Variants in CEACAM5 observed in about 807,000 individuals in gnomAD.
CEACAM5 encodes CEA cell adhesion molecule 5.
CEACAM5 carries 52 observed loss-of-function variants against 63.0 expected under a neutral mutation model. The ratio of observed to expected loss-of-function variants is 0.83; its 90% CI spans 0.66 to 1.04. The LOEUF (loss-of-function observed/expected upper bound fraction) is 1.04, where lower values mean the gene tolerates loss of function less well. Among genes scored for constraint, CEACAM5 ranks in the 50% least tolerant of loss-of-function variants. CEACAM5 has a pLI of 0.00. For synonymous variants in CEACAM5, 357 were observed against 351.3 expected (o/e 1.02, Z -0.18); for missense variants, 790 against 864.8 (o/e 0.91, Z 1.08).
At chr19:41,716,469 G>A (rs189140069) in intron 4 of CEACAM5, among the ~76,000 whole-genome samples, 23 of 152,310 alleles carry the variant, frequency 1.5e-4, no homozygotes, top group African/African-American at 4.3e-4. Context: ...GGTCTGTCCT[G>A]AATTCGGCTA....
chr19:41,724,059 T>G (rs782180419), intron 8 of CEACAM5, among the ~76,000 whole-genome samples: 8 of 152,328 alleles, frequency 5.3e-5, no homozygotes, highest in Admixed American at 2.6e-4. Flanking sequence ...TAAATGTCAT[T>G]AAGCTTTTTT....
chr19:41,722,410 C>T (rs1375003266), intron 8 of CEACAM5, among the ~76,000 whole-genome samples: 1 of 151,302 alleles, frequency 6.6e-6, no homozygotes, highest in Non-Finnish European at 1.5e-5. Context: ...TTTTTATACT[C>T]ATGTCTAACC....
At chr19:41,718,984 C>A (rs2072573754) in intron 6 of CEACAM5, among the ~76,000 whole-genome samples, 1 of 152,220 alleles carries the variant, frequency 6.6e-6, no homozygotes. Context: ...CAGATGAAGC[C>A]AAGCCTTCCC....
In CEACAM5 at chr19:41,721,030, G is replaced by A. The variant is rs74946020; in HGVS notation, c.1880G>A (p.Trp627Ter). 74 of 1,614,024 alleles carry A rather than the reference G, an allele frequency of 4.6e-5. No individual in the cohort carries two copies. Among genetic ancestry groups the A allele is most frequent in the Non-Finnish European group, 6.2e-5 (73 of 1,180,028 alleles). ...TCTAACCCATCCCCGCAGTATTCTT[G>A]GCGTATCAATGGGATACCGCAGCAA... ...SASNPSPQYS[W>*]RINGIPQQHT... Residue 627 changes from tryptophan (W) to a stop codon, truncating the protein, a stop_gained, in exon 8 of 10, where the codon TGG (tryptophan) becomes TAG (stop). Coordinates refer to ENST00000221992, the MANE Select transcript of CEACAM5 (RefSeq NM_004363.6). LOFTEE classifies it high-confidence loss of function.
chr19:41,720,236 C>A, intron 7 of CEACAM5, 28 bp downstream of exon 7: 1 of 1,604,972 alleles, frequency 6.2e-7, no homozygotes, highest in Non-Finnish European at 8.5e-7. Context: ...CTCTGTGGCC[C>A]TGGTTTCCAA....
chr19:41,724,847 T>C (rs1345929767), intron 8 of CEACAM5, among the ~76,000 whole-genome samples: 1 of 152,268 alleles, frequency 6.6e-6, no homozygotes, highest in African/African-American at 2.4e-5. Flanking sequence ...ATTTATTTAT[T>C]AACTCTAACA....
At chr19:41,716,075 T>C (rs2072522950) in intron 4 of CEACAM5, among the ~76,000 whole-genome samples, 171 bp downstream of exon 4, 1 of 152,182 alleles carries the variant, frequency 6.6e-6, no homozygotes, top group South Asian at 2.1e-4. Context: ...TCTTTTCTTC[T>C]TGTTCTGATT....
In CEACAM5 at chr19:41,718,391, A is replaced by C; in HGVS notation, c.1492+9A>C. 1 of 1,613,248 alleles carries C rather than the reference A, an allele frequency of 6.2e-7. No individual in the cohort carries two copies. The highest frequency in any genetic ancestry group is 8.5e-7 in the Non-Finnish European group (1 of 1,179,304). On this transcript the variant is annotated intron_variant, in intron 6 of 9. Coordinates refer to ENST00000221992, the MANE Select transcript of CEACAM5 (RefSeq NM_004363.6). ...GACAATCACAGTCTCTGGTAAGTGG[A>C]TCCCTGGACCGTTAGCAATATGTTC...
In CEACAM5 at chr19:41,721,188, C is replaced by G. The variant is rs201439960; in HGVS notation, c.2026+12C>G. The stretch of plus-strand genomic sequence containing the variant: ...CATCACAGTCTCTGGTAAGTGGCTC[C>G]CTGGAGCATCAGCATCATATTCTGG... On this transcript the variant is annotated intron_variant, in intron 8 of 9. Transcript: ENST00000221992. 5.6e-6 allele frequency: 9 copies of G among 1,613,836 alleles called. No homozygotes were observed. The South Asian group carries it at 9.9e-5, about 18-fold the overall frequency.
At chr19:41,723,831 C>G (rs1308966034) in intron 8 of CEACAM5, among the ~76,000 whole-genome samples, 1 of 151,680 alleles carries the variant, frequency 6.6e-6, no homozygotes, top group East Asian at 1.9e-4. Context: ...CGCCTGTAGT[C>G]CCAGCTACTC....
In CEACAM5 at chr19:41,730,178, T is replaced by TGG. The variant is rs1555817962; in HGVS notation, c.*1032_*1033insGG. ...GCTCACGCCTGTAATCCCAGCACTT[T>TGG]GATCCGCCGAGGCGGGCGGATCACG... On this transcript the variant is annotated 3_prime_UTR_variant, in exon 10 of 10. Coordinates refer to ENST00000221992, the MANE Select transcript of CEACAM5 (RefSeq NM_004363.6). 2.0e-5 allele frequency among the ~76,000 whole-genome samples: 3 copies of TGG among 152,164 alleles called. No individual in the cohort carries two copies. The highest frequency in any genetic ancestry group is 3.9e-4 in the East Asian group (2 of 5,194).
At chr19:41,722,519 A>G (rs2072639181) in intron 8 of CEACAM5, among the ~76,000 whole-genome samples, 1 of 152,176 alleles carries the variant, frequency 6.6e-6, no homozygotes, top group South Asian at 2.1e-4. Context: ...AAACTCTGGT[A>G]ATCTCCATTC....
rs2072593539 is a variant in CEACAM5 at position 41,720,025 on chromosome 19, A to G, written c.1588A>G (p.Thr530Ala). The change falls in exon 7 of 10, where the codon ACA (threonine) becomes GCA (alanine). Residue 530 changes from threonine to alanine, a missense_variant. Coordinates refer to ENST00000221992, the MANE Select transcript of CEACAM5 (RefSeq NM_004363.6). ...CACCTGTGAACCTGAGGCTCAGAAC[A>G]CAACCTACCTGTGGTGGGTAAATGG... is the stretch of plus-strand genomic sequence containing the variant. Reference protein sequence around the residue: ...AFTCEPEAQNTTYLWWVNGQS... With the variant: ...AFTCEPEAQNATYLWWVNGQS... 1 of 1,614,220 alleles carries G rather than the reference A, an allele frequency of 6.2e-7. No individual in the cohort carries two copies.
At chr19:41,722,380 A>G (rs1455597100) in intron 8 of CEACAM5, among the ~76,000 whole-genome samples, 11 of 150,932 alleles carry the variant, frequency 7.3e-5, no homozygotes, top group Non-Finnish European at 1.3e-4. Flanking sequence ...AAAAAAAAAA[A>G]GGAAAAAATA....
intron 5 of CEACAM5, 87 bp from the exon 6 acceptor site, chr19:41,718,040 CA>C: frequency 6.6e-7 from 1 of 1,508,830 alleles, no homozygotes; most frequent in Non-Finnish European, 9.0e-7. Context: ...TGACTTGGCT[CA>C]GGGGGACACT....
At position 41,715,053 on chromosome 19, in the gene CEACAM5, T is replaced by C; in HGVS notation, c.507T>C (p.Pro169=). Reference sequence around the variant, plus strand: ...ATGCTGTGGCCTTCACCTGTGAACCTGAGACTCAGGACGCAACCTACCTGT... The same window carrying C: ...ATGCTGTGGCCTTCACCTGTGAACCCGAGACTCAGGACGCAACCTACCTGT... ...DKDAVAFTCE[P]ETQDATYLWW... The change falls in exon 3 of 10, where the codon CCT becomes CCC. Residue 169 remains proline (P), a synonymous_variant. Transcript: ENST00000221992. 2 of 1,614,218 alleles carry C rather than the reference T, an allele frequency of 1.2e-6. No homozygotes were observed. The highest frequency in any genetic ancestry group is 1.7e-6 in the Non-Finnish European group (2 of 1,180,048).
At chr19:41,723,594 A>G (rs1296218224) in intron 8 of CEACAM5, among the ~76,000 whole-genome samples, 1 of 152,188 alleles carries the variant, frequency 6.6e-6, no homozygotes, top group Non-Finnish European at 1.5e-5. Flanking sequence ...ATTTGCAAAT[A>G]TATTTCCCAT....
In CEACAM5 at chr19:41,710,004, T is replaced by C; in HGVS notation, c.389T>C (p.Val130Ala). The change falls in exon 2 of 10, where the codon GTG (valine) becomes GCG (alanine). Residue 130 changes from valine to alanine, a missense_variant. By Grantham distance (64) the Val-to-Ala change is moderately conservative (BLOSUM62 0). Transcript: ENST00000221992. ...CTACACGTCATAAAGTCAGATCTTG[T>C]GAATGAAGAAGCAACTGGCCAGTTC... The part of the protein sequence containing the change: ...YTLHVIKSDL[V>A]NEEATGQFRV... 6.2e-7 allele frequency: 1 copy of C among 1,610,036 alleles called. No homozygotes were observed. Among genetic ancestry groups the C allele is most frequent in the Middle Eastern group, 1.7e-4 (1 of 6,048 alleles).
chr19:41,710,947 A>C (rs1279800098), intron 2 of CEACAM5, among the ~76,000 whole-genome samples: 9 of 152,220 alleles, frequency 5.9e-5, no homozygotes, highest in African/African-American at 2.2e-4. Flanking sequence ...AAATTGAGGC[A>C]CAGGGAGACA....
Sources: gnomAD v4.1 joint callset for allele counts (sites outside exome capture counted in the v4.1 genomes callset) on GRCh38, gnomAD v4.1.1 for gene constraint, MANE v1.5 for transcripts, NCBI Gene and HGNC (gene_info 2026-07-23, HGNC 2026-07-21) for gene names.